Variants in ACOT13 observed in about 807,000 individuals in gnomAD.
The protein encoded by ACOT13 is acyl-CoA thioesterase 13, also known as acyl-coenzyme A thioesterase 13.
Under a neutral mutation model 11.8 loss-of-function variants are expected in ACOT13, and 10 were observed. The ratio of observed to expected loss-of-function variants is 0.85; its 90% CI spans 0.53 to 1.44. The LOEUF (loss-of-function observed/expected upper bound fraction) is 1.44. Among genes scored for constraint, ACOT13 ranks in the 40% most tolerant of loss-of-function variants. The pLI, the probability that ACOT13 is intolerant of heterozygous loss-of-function variation, is 0.00. For synonymous variants in ACOT13, 53 were observed against 61.0 expected (o/e 0.87, Z 0.61); for missense variants, 172 against 174.1 (o/e 0.99, Z 0.07).
Position 24,701,695 on chromosome 6 carries a change from A to T in ACOT13, c.*80A>T. On this transcript the variant is annotated 3_prime_UTR_variant, in exon 3 of 3. Transcript: ENST00000230048. The stretch of plus-strand genomic sequence containing the variant: ...GACTCAAACAATTGTAATTTTTGAA[A>T]TAAACTAGCAAAACCAGAAGCAGCT... 1.4e-6 allele frequency: 2 copies of T among 1,389,656 alleles called. No homozygotes were observed. Among genetic ancestry groups the T allele is most frequent in the Non-Finnish European group, 1.9e-6 (2 of 1,038,266 alleles). The allele number at this position is 1,389,656 out of a possible 1,614,324, so 86.1% of individuals were successfully genotyped here. A position where few individuals can be genotyped will look rare whatever the true frequency, so the allele number is the denominator to read the frequency against.
chr6:24,679,862 G>T (rs1046142177), intron 1 of ACOT13, among the ~76,000 whole-genome samples: 2 of 152,206 alleles, frequency 1.3e-5, no homozygotes, highest in African/African-American at 2.4e-5. Flanking sequence ...GGTTATCTGA[G>T]AATTTACCTA....
At chr6:24,669,437 A>G (rs1317287216) in intron 1 of ACOT13, among the ~76,000 whole-genome samples, 1 of 152,202 alleles carries the variant, frequency 6.6e-6, no homozygotes, top group African/African-American at 2.4e-5. Flanking sequence ...CAGAGGGATG[A>G]CTTTGAATAG....
intron 1 of ACOT13, among the ~76,000 whole-genome samples, chr6:24,675,381 T>C (rs980924053): frequency 1.1e-4 from 17 of 152,216 alleles, no homozygotes; most frequent in African/African-American, 4.1e-4. Context: ...CCACATCCTG[T>C]CCAGCACCTG....
rs1345558600 is a variant in ACOT13 at position 24,701,623 on chromosome 6, G to A, written c.*8G>A. 1 of 1,604,136 alleles carries A rather than the reference G, an allele frequency of 6.2e-7. No homozygotes were observed. Among genetic ancestry groups the A allele is most frequent in the African/African-American group, 1.3e-5 (1 of 74,392 alleles). ...AAACACCTGGGAAACTGAGAGAACA[G>A]CAGAATGACCTAAAGAAACCCAACA... On this transcript the variant is annotated 3_prime_UTR_variant, in exon 3 of 3. Transcript: ENST00000230048.
At chr6:24,699,909 G>A (rs1405080956) in intron 2 of ACOT13, among the ~76,000 whole-genome samples, 1 of 152,202 alleles carries the variant, frequency 6.6e-6, no homozygotes, top group Non-Finnish European at 1.5e-5. Context: ...TGGCCATCAA[G>A]AGCTGCCTAC....
At chr6:24,687,219 G>GC (rs555284881) in intron 1 of ACOT13, among the ~76,000 whole-genome samples, 147 of 152,176 alleles carry the variant, frequency 9.7e-4, no homozygotes, top group African/African-American at 3.4e-3. Flanking sequence ...ATTTCTCCTT[G>GC]CCCCCAGCTC....
At chr6:24,697,744 A>G (rs1370574837) in intron 1 of ACOT13, 139 bp from the exon 2 acceptor site, 4 of 636,274 alleles carry the variant, frequency 6.3e-6, no homozygotes, top group Non-Finnish European at 7.6e-6. Flanking sequence ...GTTAATTTCT[A>G]TCAGAGATTG....
chr6:24,674,871 T>C (rs1778425160), intron 1 of ACOT13, among the ~76,000 whole-genome samples: 1 of 117,954 alleles, frequency 8.5e-6, no homozygotes, highest in African/African-American at 3.3e-5. Flanking sequence ...CCTAATGCTA[T>C]CCCTCCCCCC....
chr6:24,704,338 A>G lies in ACOT13; in HGVS notation c.*2723A>G, dbSNP rs538452021. 1.3e-5 allele frequency: 2 copies of G among 152,354 alleles called. No individual in the cohort carries two copies. Among genetic ancestry groups the G allele is most frequent in the South Asian group, 4.1e-4 (2 of 4,830 alleles). The allele number at this position is 152,354 out of a possible 1,614,324, so 9.4% of individuals were successfully genotyped here. A position where few individuals can be genotyped will look rare whatever the true frequency, so the allele number is the denominator to read the frequency against. Reference sequence around the variant, plus strand: ...CTTTTCTAAATTATTCCAAAATAAAAACGTAAACAATGGCTGCCAAAATGC... The same window carrying G: ...CTTTTCTAAATTATTCCAAAATAAAGACGTAAACAATGGCTGCCAAAATGC... On this transcript the variant is annotated 3_prime_UTR_variant, in exon 3 of 3. Transcript: ENST00000230048.
chr6:24,683,176 C>G (rs1014615303), intron 1 of ACOT13, among the ~76,000 whole-genome samples: 4 of 152,218 alleles, frequency 2.6e-5, no homozygotes, highest in African/African-American at 4.8e-5. Flanking sequence ...GGCACCTCCA[C>G]TCAGATCCCT....
chr6:24,687,353 G>T (rs920983530), intron 1 of ACOT13: 2 of 942,508 alleles, frequency 2.1e-6, no homozygotes, highest in Non-Finnish European at 1.3e-6. Context: ...AAATAAATAT[G>T]CTTAACATTA....
chr6:24,668,710 T>C (rs564234186), intron 1 of ACOT13, among the ~76,000 whole-genome samples: 29 of 152,376 alleles, frequency 1.9e-4, no homozygotes, highest in African/African-American at 6.7e-4. Flanking sequence ...GTTACAAAGT[T>C]GCCCTTATAT....
At position 24,701,701 on chromosome 6, in the gene ACOT13, T is replaced by C; in HGVS notation, c.*86T>C. 1.5e-6 allele frequency: 2 copies of C among 1,359,050 alleles called. No individual in the cohort carries two copies. The highest frequency in any genetic ancestry group is 2.0e-6 in the Non-Finnish European group (2 of 1,013,026). 84.2% of individuals were successfully genotyped at this position (1,359,050 alleles called of 1,614,324 possible). A position where few individuals can be genotyped will look rare whatever the true frequency, so the allele number is the denominator to read the frequency against. Reference sequence around the variant, plus strand: ...AACAATTGTAATTTTTGAAATAAACTAGCAAAACCAGAAGCAGCTAGAAAT... The same window carrying C: ...AACAATTGTAATTTTTGAAATAAACCAGCAAAACCAGAAGCAGCTAGAAAT... On this transcript the variant is annotated 3_prime_UTR_variant, in exon 3 of 3. Transcript: ENST00000230048.
rs1778960720 is a variant in ACOT13 at position 24,704,564 on chromosome 6, G to C, written c.*2949G>C. Reference sequence around the variant, plus strand: ...AGACAAGAGCTTAGAAGAGTACCTGGTTATAATAAACATTCAAAATGTTAT... The same window carrying C: ...AGACAAGAGCTTAGAAGAGTACCTGCTTATAATAAACATTCAAAATGTTAT... On this transcript the variant is annotated 3_prime_UTR_variant, in exon 3 of 3. Transcript: ENST00000230048. The C allele has an allele frequency of 6.6e-6, 1 of 152,198 alleles. No individual in the cohort carries two copies. The highest frequency in any genetic ancestry group is 2.4e-5 in the African/African-American group (1 of 41,448). 9.4% of individuals were successfully genotyped at this position (152,198 alleles called of 1,614,324 possible). A position where few individuals can be genotyped will look rare whatever the true frequency, so the allele number is the denominator to read the frequency against.
chr6:24,687,863 C>T (rs1272746121), intron 1 of ACOT13, among the ~76,000 whole-genome samples: 1 of 151,902 alleles, frequency 6.6e-6, no homozygotes, highest in Non-Finnish European at 1.5e-5. Context: ...AGGCACGCGC[C>T]ACCATGCCTG....
intron 1 of ACOT13, among the ~76,000 whole-genome samples, chr6:24,670,752 A>G (rs1035338545): frequency 2.6e-5 from 4 of 152,228 alleles, no homozygotes; most frequent in East Asian, 1.9e-4. Context: ...CAATAGCTCA[A>G]AAGAAAAGTT....
At position 24,702,689 on chromosome 6, in the gene ACOT13, T is replaced by G. The variant is rs1412967800; in HGVS notation, c.*1074T>G. The G allele has an allele frequency of 1.3e-5, 2 of 151,704 alleles. No individual in the cohort carries two copies. Among genetic ancestry groups the G allele is most frequent in the Non-Finnish European group, 2.9e-5 (2 of 67,936 alleles). 9.4% of individuals were successfully genotyped at this position (151,704 alleles called of 1,614,324 possible). ...CTACAGCCCATATTGAAAAATAAAA[T>G]AGATTGAGCCATATGCCTAAAAAAG... On this transcript the variant is annotated 3_prime_UTR_variant, in exon 3 of 3. Transcript: ENST00000230048.
intron 2 of ACOT13, chr6:24,700,795 A>G (rs185271225): frequency 8.5e-5 from 13 of 152,330 alleles, no homozygotes; most frequent in Admixed American, 6.5e-4. Flanking sequence ...TGAATATGGC[A>G]AAAATACATA....
chr6:24,701,580 G>C lies in ACOT13; in HGVS notation c.388G>C (p.Ala130Pro). 1 of 1,613,220 alleles carries C rather than the reference G, an allele frequency of 6.2e-7. No individual in the cohort carries two copies. Reference sequence around the variant, plus strand: ...CAACAAGGCCACAGGAAAATTAATAGCACAAGGAAGACACACAAAACACCT... The same window carrying C: ...CAACAAGGCCACAGGAAAATTAATACCACAAGGAAGACACACAAAACACCT... Reference protein sequence around the residue: ...LTNKATGKLIAQGRHTKHLGN With the variant: ...LTNKATGKLIPQGRHTKHLGN The change falls in exon 3 of 3, where the codon GCA becomes CCA. Residue 130 changes from alanine to proline, a missense_variant. Transcript: ENST00000230048.
Sources: allele counts gnomAD v4.1 joint callset (sites outside exome capture counted in the v4.1 genomes callset), GRCh38; gene constraint gnomAD v4.1.1; transcripts MANE v1.5; gene names NCBI Gene and HGNC (gene_info 2026-07-23, HGNC 2026-07-21).